DNM3: variants seen among roughly 807,000 people sequenced by gnomAD.
DNM3 encodes dynamin 3.
DNM3 carries 47 observed loss-of-function variants against 101.6 expected under a neutral mutation model. That is an observed-to-expected ratio of 0.46 (90% CI 0.37 to 0.59). The LOEUF is 0.59. Ranked by LOEUF, DNM3 falls within the 20% of genes least tolerant of loss-of-function variation. The probability of loss-of-function intolerance (pLI) is 0.00; values close to 1 mark genes in which losing one functional copy is unlikely to be tolerated. For synonymous variants in DNM3, 385 were observed against 387.9 expected (o/e 0.99, Z 0.09); for missense variants, 849 against 1,085.7 (o/e 0.78, Z 3.06).
chr1:171,928,605 C>T (rs532155303), intron 2 of DNM3, among the ~76,000 whole-genome samples: 1 of 152,170 alleles, frequency 6.6e-6, no homozygotes, highest in East Asian at 1.9e-4. Flanking sequence ...CTGCAGCTTG[C>T]TGGAGGTGTG....
At chr1:172,104,423 G>T (rs930831833) in intron 13 of DNM3, among the ~76,000 whole-genome samples, 1 of 152,006 alleles carries the variant, frequency 6.6e-6, no homozygotes, top group South Asian at 2.1e-4. Flanking sequence ...ACTTACCGGC[G>T]AGGATAAATA....
intron 14 of DNM3, among the ~76,000 whole-genome samples, chr1:172,192,781 G>A (rs1456658979): frequency 6.6e-6 from 1 of 151,448 alleles, no homozygotes. Flanking sequence ...TATCATTGTT[G>A]GACATTTGGG....
intron 10 of DNM3, among the ~76,000 whole-genome samples, chr1:172,056,646 G>A (rs1008279957): frequency 1.3e-5 from 2 of 151,390 alleles, no homozygotes; most frequent in Non-Finnish European, 3.0e-5. Flanking sequence ...TCTGTTAGAA[G>A]GAAAACTAAC....
downstream of DNM3, chr1:172,415,524 G>GTTTTTTTTTTTGT (rs2071394746): frequency 1.0e-5 from 1 of 99,130 alleles, no homozygotes; most frequent in Non-Finnish European, 1.9e-5. Context: ...TTTTTTGTGA[G>GTTTTTTTTTTTGT]TTTTTTTTTT....
At chr1:172,249,423 C>T (rs1410017523) in intron 14 of DNM3, among the ~76,000 whole-genome samples, 2 of 152,048 alleles carry the variant, frequency 1.3e-5, no homozygotes, top group Admixed American at 6.6e-5. Flanking sequence ...CTGTTTCTTC[C>T]GTTTCTTCTA....
chr1:172,405,142 C>G (rs543917631), intron 20 of DNM3, among the ~76,000 whole-genome samples: 1 of 152,192 alleles, frequency 6.6e-6, no homozygotes, highest in South Asian at 2.1e-4. Flanking sequence ...AGCCTAAACT[C>G]TAGCCTGGCT....
intron 15 of DNM3, among the ~76,000 whole-genome samples, chr1:172,277,799 G>A (rs1395536027): frequency 6.6e-6 from 1 of 152,024 alleles, no homozygotes; most frequent in African/African-American, 2.4e-5. Flanking sequence ...TTATGTGACT[G>A]TGATTTTCCC....
intron 2 of DNM3, among the ~76,000 whole-genome samples, chr1:171,979,234 A>G (rs1464292941): frequency 2.6e-5 from 4 of 152,196 alleles, no homozygotes; most frequent in African/African-American, 9.6e-5. Flanking sequence ...ATAATTATAT[A>G]GTTTGCAACT....
At chr1:172,103,627 T>G (rs528738255) in intron 13 of DNM3, among the ~76,000 whole-genome samples, 1 of 152,316 alleles carries the variant, frequency 6.6e-6, no homozygotes, top group East Asian at 1.9e-4. Flanking sequence ...TCCCCAGTAC[T>G]GGATAATTAT....
chr1:172,358,658 C>T (rs573099406), intron 17 of DNM3, among the ~76,000 whole-genome samples: 3 of 152,212 alleles, frequency 2.0e-5, no homozygotes, highest in Non-Finnish European at 4.4e-5. Context: ...GGCCAGAAGC[C>T]TGCTGTGATC....
intron 1 of DNM3, among the ~76,000 whole-genome samples, chr1:171,847,070 C>G (rs1278364732): frequency 1.3e-5 from 2 of 152,020 alleles, no homozygotes; most frequent in Non-Finnish European, 2.9e-5. Flanking sequence ...ACACATAAAA[C>G]CAATGAACAT....
chr1:172,158,261 A>T (rs1416190155), intron 14 of DNM3, among the ~76,000 whole-genome samples: 1 of 151,960 alleles, frequency 6.6e-6, no homozygotes, highest in African/African-American at 2.4e-5. Context: ...GAAGAATAGG[A>T]GTAGATAAGG....
In DNM3 at chr1:172,036,011, T is replaced by G. The variant is rs190483011; in HGVS notation, c.850-2308T>G. ...TTTTTTTTCTTTTTTTATTTTATTT[T>G]AGTATTATTATACTTTAAGTTTTAG... On this transcript the variant is annotated intron_variant, in intron 6 of 20. Transcript: ENST00000627582. 4.6e-5 allele frequency among the ~76,000 whole-genome samples: 7 copies of G among 151,840 alleles called. No individual in the cohort carries two copies. The East Asian group carries it at 1.4e-3, about 29-fold the overall frequency.
chr1:171,908,017 C>T (rs559493609), intron 1 of DNM3, among the ~76,000 whole-genome samples: 3 of 152,170 alleles, frequency 2.0e-5, no homozygotes, highest in African/African-American at 4.8e-5. Flanking sequence ...ATTGTGACCT[C>T]GTGTATCTAT....
intron 7 of DNM3, among the ~76,000 whole-genome samples, chr1:172,038,891 T>A (rs1211844431): frequency 6.6e-6 from 1 of 152,144 alleles, no homozygotes; most frequent in East Asian, 1.9e-4. Context: ...TTCAGTGGAA[T>A]GAGAACCAAG....
intron 1 of DNM3, among the ~76,000 whole-genome samples, chr1:171,883,830 A>G (rs1049958604): frequency 3.3e-5 from 5 of 152,172 alleles, no homozygotes; most frequent in African/African-American, 1.2e-4. Flanking sequence ...ATGACTTTTC[A>G]TAGTGGACTT....
chr1:172,209,145 A>G (rs973290257), intron 14 of DNM3, among the ~76,000 whole-genome samples: 6 of 152,140 alleles, frequency 3.9e-5, no homozygotes, highest in African/African-American at 9.6e-5. Flanking sequence ...ACCCTAATCC[A>G]GTTTGACTGA....
chr1:172,264,241 G>A (rs2062776180), intron 15 of DNM3, among the ~76,000 whole-genome samples: 1 of 152,140 alleles, frequency 6.6e-6, no homozygotes, highest in African/African-American at 2.4e-5. Flanking sequence ...TAATTTCAAA[G>A]GCAAGATGAG....
intron 7 of DNM3, among the ~76,000 whole-genome samples, chr1:172,040,895 G>T (rs919711223): frequency 6.6e-6 from 1 of 152,116 alleles, no homozygotes; most frequent in African/African-American, 2.4e-5. Flanking sequence ...GAACTGCAAT[G>T]GCTTCCTTAT....
Sources: allele counts gnomAD v4.1 joint callset (sites outside exome capture counted in the v4.1 genomes callset), GRCh38; gene constraint gnomAD v4.1.1; transcripts MANE v1.5; gene names NCBI Gene and HGNC (gene_info 2026-07-23, HGNC 2026-07-21).